Variants in GABBR2 observed in about 807,000 individuals in gnomAD.
The protein encoded by GABBR2 is G-protein coupled receptor 51.
Under a neutral mutation model 105.6 loss-of-function variants are expected in GABBR2, and 23 were observed. The observed-to-expected ratio is 0.22, with a 90% CI of 0.16 to 0.31. GABBR2 has a LOEUF of 0.31. Among genes scored for constraint, GABBR2 ranks in the 10% least tolerant of loss-of-function variants. The probability of loss-of-function intolerance (pLI) is 1.00; values close to 1 mark genes in which losing one functional copy is unlikely to be tolerated. For missense variants in GABBR2, 734 were observed against 1,245.5 expected, an observed-to-expected ratio of 0.59 and a Z score of 6.18; for synonymous variants, 478 against 499.7, an observed-to-expected ratio of 0.96 and a Z score of 0.58.
intron 2 of GABBR2, among the ~76,000 whole-genome samples, chr9:98,577,442 CAAAGGCAGTCGTAGATAACA>C (rs1407341589): frequency 1.3e-5 from 2 of 152,132 alleles, no homozygotes; most frequent in African/African-American, 4.8e-5. Context: ...TAACCGAGGA[CAAAGGCAGTCGTAGATAACA>C]AAAGAGAATC....
intron 3 of GABBR2, among the ~76,000 whole-genome samples, chr9:98,533,070 G>T (rs10521035): frequency 0.042 from 6,368 of 152,226 alleles, 244 homozygotes; most frequent in East Asian, 0.16. Context: ...GTTAAGAAAT[G>T]ATGGCATGAC....
Position 98,290,738 on chromosome 9 carries a change from C to T in GABBR2, c.2672G>A (p.Arg891Gln), listed in dbSNP as rs1287904056. 2.0e-6 allele frequency: 3 copies of T among 1,484,632 alleles called. No homozygotes were observed. Among genetic ancestry groups the T allele is most frequent in the South Asian group, 1.5e-5 (1 of 67,508 alleles). 92.0% of individuals were successfully genotyped at this position (1,484,632 alleles called of 1,614,324 possible). The change falls in exon 19 of 19, where the codon CGG (arginine) becomes CAG (glutamine). Residue 891 changes from arginine to glutamine, a missense_variant. Around this residue, in one of 7 missense-constraint regions of GABBR2, gnomAD observed 134 missense variants for 171.2 expected, o/e 0.78. Transcript: ENST00000259455. Reference protein sequence around the residue: ...DINSPEHIQRRLSLQLPILHH... With the variant: ...DINSPEHIQRQLSLQLPILHH... Reference sequence around the variant, plus strand: ...GAGGATGGGGAGCTGGAGGGACAGCCGACGCTGGATGCTGAAGAGAAGGAG... The same window carrying T: ...GAGGATGGGGAGCTGGAGGGACAGCTGACGCTGGATGCTGAAGAGAAGGAG...
intron 4 of GABBR2, among the ~76,000 whole-genome samples, chr9:98,486,370 G>A (rs982240137): frequency 6.6e-6 from 1 of 152,216 alleles, no homozygotes; most frequent in African/African-American, 2.4e-5. Context: ...GATATAAATG[G>A]CAAATGCAAT....
At chr9:98,369,238 G>A (rs1162427406) in intron 12 of GABBR2, among the ~76,000 whole-genome samples, 1 of 152,324 alleles carries the variant, frequency 6.6e-6, no homozygotes, top group Non-Finnish European at 1.5e-5. Context: ...ACAGGGACAG[G>A]GTGGCAGAGC....
intron 6 of GABBR2, among the ~76,000 whole-genome samples, chr9:98,460,375 C>CTAAAATAAAA (rs111955903): frequency 1.3e-5 from 2 of 151,558 alleles, no homozygotes; most frequent in African/African-American, 4.9e-5. Context: ...GACTCTATCT[C>CTAAAATAAAA]TAAAATAAAA....
intron 1 of GABBR2, among the ~76,000 whole-genome samples, chr9:98,705,945 A>C (rs1203934282): frequency 1.3e-5 from 2 of 152,036 alleles, no homozygotes; most frequent in Non-Finnish European, 2.9e-5. Context: ...GCATGGTGGC[A>C]CATGCCTGTA....
intron 7 of GABBR2, among the ~76,000 whole-genome samples, chr9:98,431,487 G>GA (rs1191933212): frequency 1.7e-4 from 25 of 150,048 alleles, no homozygotes; most frequent in East Asian, 7.8e-4. Context: ...AAAGGTGATA[G>GA]AAAAAAAAAC....
At chr9:98,472,514 C>G (rs1488809013) in intron 6 of GABBR2, among the ~76,000 whole-genome samples, 4 of 151,610 alleles carry the variant, frequency 2.6e-5, no homozygotes. Flanking sequence ...ATCAATCCTC[C>G]TGATAACCCC....
At chr9:98,355,672 G>A (rs1432963215) in intron 13 of GABBR2, among the ~76,000 whole-genome samples, 2 of 152,176 alleles carry the variant, frequency 1.3e-5, no homozygotes, top group African/African-American at 4.8e-5. Context: ...TACATTCAGT[G>A]TAATCCCAAT....
chr9:98,676,012 A>T (rs1054536969), intron 1 of GABBR2, among the ~76,000 whole-genome samples: 17 of 152,242 alleles, frequency 1.1e-4, no homozygotes, highest in African/African-American at 3.6e-4. Context: ...CTAATGCCAG[A>T]AACCTGTGGA....
intron 1 of GABBR2, among the ~76,000 whole-genome samples, chr9:98,582,992 T>C (rs769927394): frequency 2.6e-5 from 4 of 152,132 alleles, no homozygotes; most frequent in Admixed American, 6.5e-5. Flanking sequence ...AGCATTCCAA[T>C]AGTCTAGAGA....
chr9:98,299,299 T>C lies in GABBR2; in HGVS notation c.2467A>G (p.Thr823Ala), dbSNP rs2131344167. The C allele has an allele frequency of 6.2e-7, 1 of 1,613,886 alleles. No individual in the cohort carries two copies. The highest frequency in any genetic ancestry group is 8.5e-7 in the Non-Finnish European group (1 of 1,179,792). The change falls in exon 17 of 19, where the codon ACC (threonine) becomes GCC (alanine). Residue 823 changes from threonine (T) to alanine (A), a missense_variant. Physicochemically the swap from Thr to Ala is moderately conservative, Grantham distance 58 (BLOSUM62 0). Around this residue, in one of 7 missense-constraint regions of GABBR2, gnomAD observed 134 missense variants for 171.2 expected, o/e 0.78. Transcript: ENST00000259455. ...TMQLQDTPEK[T>A]TYIKQNHYQE... is the part of the protein sequence containing the mutation. ...TAGTGGTTCTGTTTAATGTAGGTGGTCTTTTCTGGTGTGTCCTGCAGCTGC... is the reference window on the plus strand; with the variant it reads ...TAGTGGTTCTGTTTAATGTAGGTGGCCTTTTCTGGTGTGTCCTGCAGCTGC...
At chr9:98,334,511 T>C (rs975398898) in intron 13 of GABBR2, among the ~76,000 whole-genome samples, 1 of 152,206 alleles carries the variant, frequency 6.6e-6, no homozygotes, top group Non-Finnish European at 1.5e-5. Context: ...TCAAGGTGCT[T>C]TGTGAACTTT....
At chr9:98,408,425 G>T (rs1832527172) in intron 7 of GABBR2, among the ~76,000 whole-genome samples, 1 of 152,170 alleles carries the variant, frequency 6.6e-6, no homozygotes, top group Admixed American at 6.5e-5. Flanking sequence ...CATCTGTTGG[G>T]TTTGACTGGT....
At chr9:98,361,599 A>G (rs1436323904) in intron 13 of GABBR2, among the ~76,000 whole-genome samples, 1 of 152,066 alleles carries the variant, frequency 6.6e-6, no homozygotes, top group African/African-American at 2.4e-5. Flanking sequence ...TGGTGACCAG[A>G]TGTCCCCCCG....
chr9:98,699,834 T>TA (rs1356224265), intron 1 of GABBR2, among the ~76,000 whole-genome samples: 1 of 152,142 alleles, frequency 6.6e-6, no homozygotes, highest in African/African-American at 2.4e-5. Flanking sequence ...GGAAGGCATT[T>TA]CACCAGCCTC....
At chr9:98,384,195 C>T (rs1009809047) in intron 11 of GABBR2, among the ~76,000 whole-genome samples, 1 of 152,154 alleles carries the variant, frequency 6.6e-6, no homozygotes, top group African/African-American at 2.4e-5. Context: ...GCTGGCTAAC[C>T]CCATTTGGAC....
intron 1 of GABBR2, among the ~76,000 whole-genome samples, chr9:98,602,459 CA>C (rs796794572): frequency 1.1e-3 from 135 of 125,498 alleles, no homozygotes; most frequent in South Asian, 1.4e-3. Flanking sequence ...GACTCTGTCT[CA>C]AAAAAAAAAA....
At chr9:98,436,358 T>C (rs1564068218) in intron 7 of GABBR2, among the ~76,000 whole-genome samples, 37 of 3,598 alleles carry the variant, frequency 0.01, 3 homozygotes, top group South Asian at 0.05. Context: ...CATATATATA[T>C]ATATATATAT....
Sources: gnomAD v4.1 joint callset for allele counts (sites outside exome capture counted in the v4.1 genomes callset) on GRCh38, gnomAD v4.1.1 for gene constraint, gnomAD v4.1.1 regional missense constraint, MANE v1.5 for transcripts, NCBI Gene and HGNC (gene_info 2026-07-23, HGNC 2026-07-21) for gene names.